Variants in TRIM9 observed in about 807,000 individuals in gnomAD.
TRIM9 encodes E3 ubiquitin-protein ligase TRIM9.
TRIM9 carries 26 observed loss-of-function variants against 78.3 expected under a neutral mutation model. The ratio of observed to expected loss-of-function variants is 0.33; its 90% confidence interval spans 0.24 to 0.46. TRIM9 has a LOEUF of 0.46. TRIM9 is among the 20% of genes least tolerant of loss of function. TRIM9 has a pLI of 1.00. For missense variants in TRIM9, 787 were observed against 1,036.4 expected (o/e 0.76, Z 3.30); for synonymous variants, 398 against 416.5 (o/e 0.96, Z 0.54).
At chr14:50,995,855 A>C (rs2054148716) in intron 7 of TRIM9, among the ~76,000 whole-genome samples, 2 of 152,230 alleles carry the variant, frequency 1.3e-5, no homozygotes, top group African/African-American at 4.8e-5. Flanking sequence ...GAATGTACCA[A>C]AACTCTGTTA....
chr14:51,082,699 T>A (rs1169436044), intron 1 of TRIM9, among the ~76,000 whole-genome samples: 2 of 152,228 alleles, frequency 1.3e-5, no homozygotes, highest in Admixed American at 1.3e-4. Flanking sequence ...TGCACAACTC[T>A]GTGAATGAAT....
chr14:51,003,544 A>G (rs758850165), intron 5 of TRIM9, among the ~76,000 whole-genome samples: 6 of 152,194 alleles, frequency 3.9e-5, no homozygotes, highest in Middle Eastern at 3.2e-3. Flanking sequence ...AGACATAGGT[A>G]TAATTAAAAA....
At chr14:51,071,416 GA>G (rs2062250233) in intron 1 of TRIM9, among the ~76,000 whole-genome samples, 1 of 141,800 alleles carries the variant, frequency 7.1e-6, no homozygotes, top group South Asian at 2.3e-4. Context: ...CAAGACAAAA[GA>G]AAAGAAAAGA....
Position 51,031,724 on chromosome 14 carries a change from T to A in TRIM9, c.823-6364A>T, listed in dbSNP as rs138672738. On this transcript the variant is annotated intron_variant, in intron 1 of 12. Transcript: ENST00000684578. ...AATCTTTCCTTACCACTTTAATTAG[T>A]GTCCAGCTAGTTAGTGACAGTTGCT... Among the ~76,000 whole-genome samples the A allele has an allele frequency of 3.9e-5, 6 of 152,284 alleles. No homozygotes were observed. The East Asian group carries it at 9.6e-4, about 24-fold the overall frequency.
chr14:50,991,622 T>C (rs548116921), intron 7 of TRIM9, among the ~76,000 whole-genome samples: 1 of 152,342 alleles, frequency 6.6e-6, no homozygotes, highest in East Asian at 1.9e-4. Flanking sequence ...TTCAGTATCA[T>C]AGGCATAACT....
intron 1 of TRIM9, among the ~76,000 whole-genome samples, chr14:51,071,327 G>C (rs2062225763): frequency 6.9e-6 from 1 of 144,042 alleles, no homozygotes; most frequent in Non-Finnish European, 1.5e-5. Context: ...GCTGAGCCGA[G>C]ACTGCGCCAT....
rs2064719968 is a variant in TRIM9, at chr14:51,094,161, C to G, written c.779G>C (p.Ser260Thr). Residue 260 changes from serine (S) to threonine (T), a missense_variant, in exon 1 of 13, where the codon AGC becomes ACC. Physicochemically the swap from Ser to Thr is moderately conservative, Grantham distance 58. This residue lies in a region of TRIM9 where 352 missense variants were observed against 472.3 expected (regional missense o/e 0.75). Transcript: ENST00000684578. ...YQCLEEGKHS[S>T]HEVKALGAMW... ...GGCCCCCAGAGCCTTGACTTCGTGG[C>G]TGGAGTGTTTGCCCTCCTCCAAGCA... The G allele has an allele frequency of 1.9e-6, 3 of 1,614,214 alleles. No homozygotes were observed. Among genetic ancestry groups the G allele is most frequent in the African/African-American group, 2.7e-5 (2 of 75,076 alleles).
At chr14:50,994,406 C>CA (rs1302881440) in intron 7 of TRIM9, among the ~76,000 whole-genome samples, 6 of 151,260 alleles carry the variant, frequency 4.0e-5, no homozygotes, top group African/African-American at 9.7e-5. Context: ...GACCTTGTCT[C>CA]AAAAAAAAGG....
intron 1 of TRIM9, among the ~76,000 whole-genome samples, chr14:51,077,118 G>A (rs999779784): frequency 6.6e-6 from 1 of 152,166 alleles, no homozygotes; most frequent in Non-Finnish European, 1.5e-5. Context: ...TTGAATTTCT[G>A]TTGTGCATCT....
chr14:51,072,275 T>TA (rs891275645), intron 1 of TRIM9, among the ~76,000 whole-genome samples: 5 of 151,958 alleles, frequency 3.3e-5, no homozygotes, highest in South Asian at 2.1e-4. Flanking sequence ...TTTACTACAT[T>TA]AAAAAAAACA....
chr14:51,016,552 ATT>A, intron 3 of TRIM9, among the ~76,000 whole-genome samples: 2 of 148,358 alleles, frequency 1.3e-5, no homozygotes, highest in African/African-American at 5.0e-5. Flanking sequence ...TTATGTTATT[ATT>A]AGCATATTAA....
intron 1 of TRIM9, among the ~76,000 whole-genome samples, chr14:51,034,922 T>G (rs1237326790): frequency 6.6e-6 from 1 of 152,196 alleles, no homozygotes; most frequent in African/African-American, 2.4e-5. Context: ...CTTGCTGGGT[T>G]GTATAAAGCC....
chr14:51,094,077 G>A (rs544641733), intron 1 of TRIM9, 41 bp downstream of exon 1: 4 of 1,564,410 alleles, frequency 2.6e-6, no homozygotes, highest in African/African-American at 2.7e-5. Flanking sequence ...CCGGATGATC[G>A]GAGACGCAGG....
At chr14:51,000,630 C>T (rs1021465064) in intron 6 of TRIM9, 53 bp downstream of exon 6, 57 of 1,603,346 alleles carry the variant, frequency 3.6e-5, no homozygotes, top group Non-Finnish European at 4.7e-5. Flanking sequence ...GGCAGGTCCT[C>T]TGACAGAGTC....
chr14:51,005,488 T>G (rs1207694432), intron 5 of TRIM9, among the ~76,000 whole-genome samples: 1 of 152,232 alleles, frequency 6.6e-6, no homozygotes, highest in Non-Finnish European at 1.5e-5. Context: ...GGATTCTTTG[T>G]GTACTTAGAC....
At chr14:50,982,552 G>C (rs1282445761) in intron 10 of TRIM9, 2 of 308,472 alleles carry the variant, frequency 6.5e-6, no homozygotes, top group Non-Finnish European at 1.2e-5. Context: ...ATATCCCTTC[G>C]GCAGAAGTGC....
At chr14:51,072,920 G>C (rs1235164009) in intron 1 of TRIM9, among the ~76,000 whole-genome samples, 1 of 152,138 alleles carries the variant, frequency 6.6e-6, no homozygotes, top group Non-Finnish European at 1.5e-5. Flanking sequence ...AACTGTTTCT[G>C]ATTAGTACCT....
chr14:50,986,320 G>T, intron 7 of TRIM9, 176 bp from the exon 8 acceptor site: 1 of 456,480 alleles, frequency 2.2e-6, no homozygotes, highest in Non-Finnish European at 3.6e-6. Flanking sequence ...GGAATTTTCG[G>T]CAGATCAGGA....
intron 1 of TRIM9, among the ~76,000 whole-genome samples, chr14:51,056,826 C>G (rs1283507734): frequency 6.6e-6 from 1 of 152,148 alleles, no homozygotes; most frequent in African/African-American, 2.4e-5. Context: ...CACACAAATA[C>G]AATTTGCTGG....
Sources: gnomAD v4.1 joint callset for allele counts (sites outside exome capture counted in the v4.1 genomes callset) on GRCh38, gnomAD v4.1.1 for gene constraint, gnomAD v4.1.1 regional missense constraint, MANE v1.5 for transcripts, NCBI Gene and HGNC (gene_info 2026-07-23, HGNC 2026-07-21) for gene names.